IGF1R: variants seen among roughly 807,000 people sequenced by gnomAD.
The protein encoded by IGF1R is insulin-like growth factor 1 receptor.
A neutral mutation model predicts 144.6 loss-of-function variants in IGF1R; 44 were observed. The ratio of observed to expected loss-of-function variants is 0.30; its 90% CI spans 0.24 to 0.39. The LOEUF (loss-of-function observed/expected upper bound fraction) is 0.39. Among genes scored for constraint, IGF1R ranks in the 10% least tolerant of loss-of-function variants. IGF1R has a pLI of 1.00. For synonymous variants in IGF1R, 795 were observed against 722.8 expected (o/e 1.10, Z -1.60); for missense variants, 1,355 against 1,833.7 (o/e 0.74, Z 4.77).
intron 20 of IGF1R, among the ~76,000 whole-genome samples, chr15:98,953,781 A>T (rs1434828042): frequency 2.0e-5 from 3 of 152,272 alleles, no homozygotes; most frequent in Middle Eastern, 3.4e-3. Flanking sequence ...ACTTAGTGAA[A>T]TCTGATGTTT....
chr15:98,922,025 C>G, intron 10 of IGF1R, 123 bp from the exon 11 acceptor site: 1 of 1,015,388 alleles, frequency 9.8e-7, no homozygotes, highest in Non-Finnish European at 1.5e-6. Flanking sequence ...GAGTTCTTAC[C>G]TAAGGGGGCT....
intron 13 of IGF1R, among the ~76,000 whole-genome samples, chr15:98,926,564 A>G (rs2015729103): frequency 6.6e-6 from 1 of 152,240 alleles, no homozygotes; most frequent in African/African-American, 2.4e-5. Context: ...CATGATAAAT[A>G]TACAATTTTT....
chr15:98,903,448 C>G (rs890142228), intron 5 of IGF1R, among the ~76,000 whole-genome samples: 4 of 152,216 alleles, frequency 2.6e-5, no homozygotes, highest in Non-Finnish European at 5.9e-5. Flanking sequence ...GCTCAAAGGT[C>G]AGGCTGAAAC....
At chr15:98,666,303 A>T (rs1369230081) in intron 1 of IGF1R, among the ~76,000 whole-genome samples, 1 of 149,908 alleles carries the variant, frequency 6.7e-6, no homozygotes, top group African/African-American at 2.5e-5. Flanking sequence ...TTTTTTTTTT[A>T]ACAGGAAGAT....
At chr15:98,946,120 ATCT>A (rs2016544367) in intron 19 of IGF1R, among the ~76,000 whole-genome samples, 1 of 147,644 alleles carries the variant, frequency 6.8e-6, no homozygotes, top group South Asian at 2.2e-4. Flanking sequence ...GGGTTGCATC[ATCT>A]TCTTCACAGA....
chr15:98,663,435 T>C (rs1291091424), intron 1 of IGF1R, among the ~76,000 whole-genome samples: 1 of 152,220 alleles, frequency 6.6e-6, no homozygotes, highest in Non-Finnish European at 1.5e-5. Flanking sequence ...TTTTAAAGAA[T>C]AGCTGGATGT....
intron 2 of IGF1R, among the ~76,000 whole-genome samples, chr15:98,848,881 A>G (rs1199593667): frequency 1.3e-5 from 2 of 152,248 alleles, no homozygotes; most frequent in African/African-American, 4.8e-5. Flanking sequence ...TAAAAAGAGA[A>G]AACACCTTAA....
intron 3 of IGF1R, among the ~76,000 whole-genome samples, chr15:98,894,372 C>CT (rs2014072689): frequency 6.6e-6 from 1 of 152,332 alleles, no homozygotes; most frequent in East Asian, 1.9e-4. Flanking sequence ...TGTACACCAT[C>CT]GTCCATAGCA....
At chr15:98,881,368 T>G (rs1271379114) in intron 2 of IGF1R, among the ~76,000 whole-genome samples, 2 of 152,266 alleles carry the variant, frequency 1.3e-5, no homozygotes, top group Non-Finnish European at 2.9e-5. Flanking sequence ...TCACCCAGGC[T>G]GGAGCGCAGT....
rs754913171 is a variant in IGF1R, at chr15:98,957,165, A to G, written c.3827A>G (p.Glu1276Gly). The change falls in exon 21 of 21, where the codon GAG becomes GGG. Residue 1276 changes from glutamate (E) to glycine (G), a missense_variant. This residue lies in a region of IGF1R where 219 missense variants were observed against 188.8 expected (regional missense o/e 1.16). Transcript: ENST00000650285. ...GAGGAGATGGAGCCTGGCTTCCGGG[A>G]GGTCTCCTTCTACTACAGCGAGGAG... ...IKEEMEPGFR[E>G]VSFYYSEENK... 6.2e-7 allele frequency: 1 copy of G among 1,614,226 alleles called. No homozygotes were observed. Among genetic ancestry groups the G allele is most frequent in the South Asian group, 1.1e-5 (1 of 91,086 alleles).
intron 1 of IGF1R, among the ~76,000 whole-genome samples, chr15:98,700,759 G>T (rs1351434482): frequency 6.6e-6 from 1 of 152,072 alleles, no homozygotes; most frequent in South Asian, 2.1e-4. Context: ...GTGTGCTCCT[G>T]CCTCTGCTTG....
intron 2 of IGF1R, among the ~76,000 whole-genome samples, chr15:98,728,728 G>C (rs1306113171): frequency 6.6e-6 from 1 of 152,224 alleles, no homozygotes. Context: ...ACTCTCCCGA[G>C]GCCAGCTGGT....
At chr15:98,849,474 C>T (rs997007934) in intron 2 of IGF1R, among the ~76,000 whole-genome samples, 12 of 152,160 alleles carry the variant, frequency 7.9e-5, no homozygotes, top group Non-Finnish European at 1.6e-4. Context: ...GAACACATAG[C>T]GAGTTCCTTT....
At position 98,959,973 on chromosome 15, in the gene IGF1R, G is replaced by C. The variant is rs927113551; in HGVS notation, c.*2531G>C. On this transcript the variant is annotated 3_prime_UTR_variant, in exon 21 of 21. Transcript: ENST00000650285. ...TGAATTTAAATTTCAAGGAAAGGGT[G>C]TGTGTGTGTGTATGTGTGGGGTGTG... is the stretch of plus-strand genomic sequence containing the variant. The C allele has an allele frequency of 2.7e-5, 2 of 74,754 alleles. No homozygotes were observed. Among genetic ancestry groups the C allele is most frequent in the Non-Finnish European group, 2.4e-5 (1 of 40,826 alleles). The allele number at this position is 74,754 out of a possible 1,614,324, so 4.6% of individuals were successfully genotyped here. A position where few individuals can be genotyped will look rare whatever the true frequency, so the allele number is the denominator to read the frequency against.
At chr15:98,893,170 G>C (rs1307235739) in intron 3 of IGF1R, among the ~76,000 whole-genome samples, 2 of 152,170 alleles carry the variant, frequency 1.3e-5, no homozygotes, top group Non-Finnish European at 2.9e-5. Flanking sequence ...TATAATTTTT[G>C]CTGCAGCTTA....
chr15:98,865,748 C>G (rs1356766548), intron 2 of IGF1R, among the ~76,000 whole-genome samples: 1 of 152,230 alleles, frequency 6.6e-6, no homozygotes, highest in African/African-American at 2.4e-5. Context: ...GTGGATCCGT[C>G]TCACAGCACC....
intron 2 of IGF1R, among the ~76,000 whole-genome samples, chr15:98,868,374 G>A (rs1474783779): frequency 2.5e-5 from 3 of 119,054 alleles, no homozygotes; most frequent in Non-Finnish European, 3.7e-5. Flanking sequence ...TTTTTTTGGG[G>A]GGGGGGTCCT....
intron 2 of IGF1R, among the ~76,000 whole-genome samples, chr15:98,815,672 C>A (rs2056681971): frequency 6.6e-6 from 1 of 152,180 alleles, no homozygotes; most frequent in South Asian, 2.1e-4. Flanking sequence ...TAGGGTCCAT[C>A]TGGTCCAAAG....
chr15:98,921,006 G>A (rs2015461964), intron 10 of IGF1R, among the ~76,000 whole-genome samples: 1 of 152,162 alleles, frequency 6.6e-6, no homozygotes, highest in Admixed American at 6.5e-5. Flanking sequence ...TGCTGCTGCT[G>A]CCGCGCTCTC....
Sources: gnomAD v4.1 joint callset for allele counts (sites outside exome capture counted in the v4.1 genomes callset) on GRCh38, gnomAD v4.1.1 for gene constraint, gnomAD v4.1.1 regional missense constraint, MANE v1.5 for transcripts, NCBI Gene and HGNC (gene_info 2026-07-23, HGNC 2026-07-21) for gene names.